Variants in GPR176 observed in about 807,000 individuals in gnomAD.
GPR176 encodes the protein G protein-coupled receptor 176, also known as G-protein coupled receptor 176.
GPR176 carries 26 observed loss-of-function variants against 35.4 expected under a neutral mutation model. The observed-to-expected ratio is 0.74, with a 90% CI of 0.54 to 1.02. The LOEUF is 1.02. Among genes scored for constraint, GPR176 ranks in the 50% least tolerant of loss-of-function variants. GPR176 has a pLI of 0.00. For synonymous variants in GPR176, 278 were observed against 271.3 expected, an observed-to-expected ratio of 1.02 and a Z score of -0.24; for missense variants, 597 against 665.3, an observed-to-expected ratio of 0.90 and a Z score of 1.13.
At chr15:39,914,653 T>C (rs2033679949) in intron 1 of GPR176, among the ~76,000 whole-genome samples, 2 of 152,170 alleles carry the variant, frequency 1.3e-5, no homozygotes, top group South Asian at 4.1e-4. Context: ...TTTTTAGGCA[T>C]ACAAAAGACA....
chr15:39,875,062 C>CA (rs923048914), intron 1 of GPR176, among the ~76,000 whole-genome samples: 18 of 151,902 alleles, frequency 1.2e-4, no homozygotes, highest in African/African-American at 4.4e-4. Context: ...AACAAACAAA[C>CA]AAAAAATTAA....
At chr15:39,886,216 A>G (rs1187680775) in intron 1 of GPR176, among the ~76,000 whole-genome samples, 1 of 152,066 alleles carries the variant, frequency 6.6e-6, no homozygotes, top group African/African-American at 2.4e-5. Context: ...CTGAGCAACA[A>G]GAGTGAAATT....
At chr15:39,865,983 T>G (rs1289037388) in intron 1 of GPR176, among the ~76,000 whole-genome samples, 2 of 152,052 alleles carry the variant, frequency 1.3e-5, no homozygotes, top group Non-Finnish European at 2.9e-5. Context: ...TTAAATAAAT[T>G]ATATACACAC....
intron 1 of GPR176, among the ~76,000 whole-genome samples, chr15:39,893,242 G>T (rs1273165513): frequency 6.6e-6 from 1 of 152,194 alleles, no homozygotes; most frequent in South Asian, 2.1e-4. Context: ...TAGGCAGAGG[G>T]CCCTGCAGCC....
chr15:39,907,637 T>C (rs977987043), intron 1 of GPR176, among the ~76,000 whole-genome samples: 1 of 152,262 alleles, frequency 6.6e-6, no homozygotes, highest in Non-Finnish European at 1.5e-5. Context: ...GAAGCTCTTA[T>C]AAACATTCAG....
chr15:39,817,486 G>A (rs1899998035), intron 1 of GPR176, among the ~76,000 whole-genome samples: 1 of 152,126 alleles, frequency 6.6e-6, no homozygotes, highest in Admixed American at 6.5e-5. Context: ...CCCTACTGCC[G>A]TTAAAATAAA....
At chr15:39,899,042 A>G (rs187257696) in intron 1 of GPR176, among the ~76,000 whole-genome samples, 1 of 152,294 alleles carries the variant, frequency 6.6e-6, no homozygotes, top group African/African-American at 2.4e-5. Context: ...CTAAAACACC[A>G]AGTCTTCTAG....
intron 1 of GPR176, among the ~76,000 whole-genome samples, chr15:39,825,292 G>A (rs1190903156): frequency 1.3e-5 from 2 of 152,168 alleles, no homozygotes; most frequent in East Asian, 1.9e-4. Flanking sequence ...AAATATTCTG[G>A]TCTTCACTTT....
At chr15:39,884,505 C>T (rs1179216310) in intron 1 of GPR176, among the ~76,000 whole-genome samples, 2 of 152,172 alleles carry the variant, frequency 1.3e-5, no homozygotes, top group Non-Finnish European at 2.9e-5. Context: ...TTGTTTTTCT[C>T]ATGTAACCCA....
intron 1 of GPR176, among the ~76,000 whole-genome samples, chr15:39,847,211 A>T (rs1202435933): frequency 1.3e-5 from 2 of 151,024 alleles, no homozygotes; most frequent in Non-Finnish European, 1.5e-5. Flanking sequence ...AGGAAAAATA[A>T]ATAAAAAGCT....
At chr15:39,910,343 T>C (rs374003331) in intron 1 of GPR176, among the ~76,000 whole-genome samples, 115 of 152,310 alleles carry the variant, frequency 7.6e-4, no homozygotes, top group Middle Eastern at 3.4e-3. Context: ...ATCCCAGCAC[T>C]TTGGGAGGCC....
At chr15:39,905,988 T>C (rs2033411100) in intron 1 of GPR176, among the ~76,000 whole-genome samples, 1 of 152,196 alleles carries the variant, frequency 6.6e-6, no homozygotes, top group Admixed American at 6.5e-5. Flanking sequence ...GGGTAAAGGA[T>C]ACAGGCATCT....
rs1457263741 is a variant in GPR176, at chr15:39,801,621, GCCACTC to G, written c.1053_1058del (p.Ser352_Gly353del). 1 of 1,614,096 alleles carries G rather than the reference GCCACTC, an allele frequency of 6.2e-7. No homozygotes were observed. The highest frequency in any genetic ancestry group is 8.5e-7 in the Non-Finnish European group (1 of 1,179,970). ...TGGGTTCCAGGCTGGCCTCAGCCAT[GCCACTC>G]CCTGTACTGACCACATTACGGCGAC... is the stretch of plus-strand genomic sequence containing the variant. On this transcript the variant is annotated inframe_deletion, in exon 3 of 3. Coordinates refer to ENST00000561100, the MANE Select transcript of GPR176 (RefSeq NM_007223.3).
chr15:39,856,491 G>C (rs1015420309), intron 1 of GPR176, among the ~76,000 whole-genome samples: 3 of 152,218 alleles, frequency 2.0e-5, no homozygotes, highest in African/African-American at 7.2e-5. Flanking sequence ...CTATGGTCAA[G>C]CTATGGGGCA....
At position 39,799,308 on chromosome 15, in the gene GPR176, T is replaced by C. The variant is rs911930267; in HGVS notation, c.*1824A>G. 6.6e-6 allele frequency: 1 copy of C among 152,220 alleles called. No homozygotes were observed. The highest frequency in any genetic ancestry group is 1.5e-5 in the Non-Finnish European group (1 of 68,038). The allele number at this position is 152,220 out of a possible 1,614,324, so 9.4% of individuals were successfully genotyped here. A position where few individuals can be genotyped will look rare whatever the true frequency, so the allele number is the denominator to read the frequency against. ...ATTGTGAAAGCTTTGAAAGACAAGC[T>C]TGAAGGGCCACAGCATTGACTATCA... On this transcript the variant is annotated 3_prime_UTR_variant, in exon 3 of 3. Coordinates refer to ENST00000561100, the MANE Select transcript of GPR176 (RefSeq NM_007223.3).
chr15:39,873,978 A>G (rs1449305816), intron 1 of GPR176, among the ~76,000 whole-genome samples: 1 of 152,216 alleles, frequency 6.6e-6, no homozygotes, highest in African/African-American at 2.4e-5. Context: ...AAGGAAATCT[A>G]TGAAATCAAC....
rs1898887077 is a variant in GPR176, at chr15:39,801,798, G to A, written c.882C>T (p.Val294=). 1 of 1,613,688 alleles carries A rather than the reference G, an allele frequency of 6.2e-7. No homozygotes were observed. The highest frequency in any genetic ancestry group is 8.5e-7 in the Non-Finnish European group (1 of 1,179,644). The change falls in exon 3 of 3, where the codon GTC becomes GTT. Residue 294 remains valine, a synonymous_variant. Transcript: ENST00000561100. ...GCAGCAAGAAGACGGAAGTGTCAGGGACATTGAGCACAGTCTGGTAGACGA... is the reference window on the plus strand; with the variant it reads ...GCAGCAAGAAGACGGAAGTGTCAGGAACATTGAGCACAGTCTGGTAGACGA... The part of the protein sequence containing the change: ...TLVVYQTVLN[V]PDTSVFLLLT...
chr15:39,819,107 AAAG>A (rs1476450820), intron 1 of GPR176, among the ~76,000 whole-genome samples: 1 of 152,220 alleles, frequency 6.6e-6, no homozygotes, highest in Non-Finnish European at 1.5e-5. Context: ...CTTCCAGAGA[AAAG>A]AAGGAAAAGT....
intron 1 of GPR176, among the ~76,000 whole-genome samples, chr15:39,842,454 A>G (rs1457372872): frequency 6.6e-6 from 1 of 152,142 alleles, no homozygotes; most frequent in Non-Finnish European, 1.5e-5. Context: ...ATAATTCCAC[A>G]TGAGATTTGG....
Sources: allele counts gnomAD v4.1 joint callset (sites outside exome capture counted in the v4.1 genomes callset), GRCh38; gene constraint gnomAD v4.1.1; transcripts MANE v1.5; gene names NCBI Gene and HGNC (gene_info 2026-07-23, HGNC 2026-07-21).